Variants in WASF3 observed in about 807,000 individuals in gnomAD.
The protein encoded by WASF3 is WASP family member 3.
Under a neutral mutation model 46.6 loss-of-function variants are expected in WASF3, and 11 were observed. The observed-to-expected ratio is 0.24, with a 90% CI of 0.15 to 0.39. The LOEUF is 0.39. Among genes scored for constraint, WASF3 ranks in the 10% least tolerant of loss-of-function variants. The probability of loss-of-function intolerance (pLI) is 1.00; values close to 1 mark genes in which losing one functional copy is unlikely to be tolerated. For missense variants in WASF3, 576 were observed against 669.8 expected (o/e 0.86, Z 1.55); for synonymous variants, 242 against 259.7 (o/e 0.93, Z 0.65).
intron 2 of WASF3, among the ~76,000 whole-genome samples, chr13:26,630,232 C>A (rs948853903): frequency 4.6e-5 from 7 of 152,070 alleles, no homozygotes; most frequent in African/African-American, 1.7e-4. Flanking sequence ...CATAGGTATA[C>A]ATGTGCCATG....
intron 1 of WASF3, among the ~76,000 whole-genome samples, chr13:26,599,648 G>C (rs1412100524): frequency 6.6e-6 from 1 of 152,290 alleles, no homozygotes; most frequent in Middle Eastern, 3.4e-3. Flanking sequence ...AGTTCAGCTG[G>C]TATCTTCTTA....
At chr13:26,669,406 A>G (rs754862549) in intron 5 of WASF3, among the ~76,000 whole-genome samples, 11 of 151,622 alleles carry the variant, frequency 7.3e-5, no homozygotes, top group Non-Finnish European at 1.3e-4. Flanking sequence ...TTTCATTAAT[A>G]TAGCAATATT....
chr13:26,625,774 AC>A (rs1214292331), intron 2 of WASF3, among the ~76,000 whole-genome samples: 3 of 152,234 alleles, frequency 2.0e-5, no homozygotes, highest in African/African-American at 7.2e-5. Flanking sequence ...ATGAACCATT[AC>A]ATTATTCTAA....
chr13:26,575,304 C>T (rs1007104985), intron 1 of WASF3, among the ~76,000 whole-genome samples: 1 of 151,772 alleles, frequency 6.6e-6, no homozygotes, highest in Non-Finnish European at 1.5e-5. Context: ...ATTTTCAAAT[C>T]TTTTCAGGAC....
intron 3 of WASF3, among the ~76,000 whole-genome samples, chr13:26,658,150 T>C (rs1418338111): frequency 6.6e-6 from 1 of 152,180 alleles, no homozygotes; most frequent in Non-Finnish European, 1.5e-5. Flanking sequence ...ACTCCCATAG[T>C]CTTGGTGTAT....
chr13:26,545,845 C>G, the WASF3 span, among the ~76,000 whole-genome samples: 6 of 152,226 alleles, frequency 3.9e-5, no homozygotes, highest in Non-Finnish European at 5.9e-5. Context: ...CCCAAGATAT[C>G]CTCCTGCCTT....
intron 1 of WASF3, among the ~76,000 whole-genome samples, chr13:26,587,370 G>T (rs187755709): frequency 6.6e-6 from 1 of 151,724 alleles, no homozygotes. Context: ...CCTCTGAAAG[G>T]GCTACACAGT....
intron 2 of WASF3, among the ~76,000 whole-genome samples, chr13:26,621,392 G>A (rs942222437): frequency 2.0e-5 from 3 of 152,182 alleles, no homozygotes; most frequent in Admixed American, 1.3e-4. Context: ...TAACTGAAAA[G>A]GAAAGTATGC....
chr13:26,571,059 A>C (rs1020815170), intron 1 of WASF3, among the ~76,000 whole-genome samples: 7 of 152,026 alleles, frequency 4.6e-5, no homozygotes, highest in African/African-American at 1.7e-4. Flanking sequence ...AAAGTTGAGG[A>C]TCTTTTATGT....
At chr13:26,570,763 A>G (rs144694572) in intron 1 of WASF3, among the ~76,000 whole-genome samples, 2 of 152,294 alleles carry the variant, frequency 1.3e-5, no homozygotes, top group Non-Finnish European at 2.9e-5. Flanking sequence ...GCTATGAATA[A>G]CCTTGTGTAT....
chr13:26,632,229 A>G (rs915828880), intron 2 of WASF3, among the ~76,000 whole-genome samples: 11 of 152,190 alleles, frequency 7.2e-5, no homozygotes, highest in Non-Finnish European at 1.3e-4. Context: ...ATGGTGAGAG[A>G]GGGCATCCTT....
At chr13:26,556,505 A>T (rs1197505996), upstream of WASF3, among the ~76,000 whole-genome samples, 1 of 152,204 alleles carries the variant, frequency 6.6e-6, no homozygotes, top group Non-Finnish European at 1.5e-5. Flanking sequence ...ATTACCAGCA[A>T]TTTTTTAAAA....
chr13:26,686,452 A>G lies in WASF3; in HGVS notation c.*607A>G, dbSNP rs1927516. The stretch of plus-strand genomic sequence containing the variant: ...TTCATTACCTCTGCACATGCCTGTC[A>G]AATATGAAATTGGAAGGGCCCTTTT... On this transcript the variant is annotated 3_prime_UTR_variant, in exon 10 of 10. Coordinates refer to ENST00000335327, the MANE Select transcript of WASF3 (RefSeq NM_006646.6). The G allele has an allele frequency of 0.29, 44,097 of 152,120 alleles. 6,659 individuals are homozygous for G. Among genetic ancestry groups the G allele is most frequent in the South Asian group, 0.39 (1,892 of 4,826 alleles). The allele number at this position is 152,120 out of a possible 1,614,324, so 9.4% of individuals were successfully genotyped here.
At chr13:26,599,030 C>A (rs1287364558) in intron 1 of WASF3, among the ~76,000 whole-genome samples, 1 of 152,074 alleles carries the variant, frequency 6.6e-6, no homozygotes, top group South Asian at 2.1e-4. Flanking sequence ...GCCACCGCGC[C>A]TGGCTAATTT....
chr13:26,541,150 C>T, the WASF3 span, among the ~76,000 whole-genome samples: 1 of 152,092 alleles, frequency 6.6e-6, no homozygotes, highest in Non-Finnish European at 1.5e-5. Context: ...CACAATGTAA[C>T]ATAGCTCTTG....
At chr13:26,583,566 C>G (rs663038) in intron 1 of WASF3, among the ~76,000 whole-genome samples, 1 of 152,138 alleles carries the variant, frequency 6.6e-6, no homozygotes, top group Middle Eastern at 3.2e-3. Flanking sequence ...ATTGAAAATT[C>G]CTTATTTCAT....
rs749391813 is a variant in WASF3 at position 26,667,563 on chromosome 13, A to G, written c.315A>G (p.Thr105=). 1.2e-6 allele frequency: 2 copies of G among 1,614,006 alleles called. No individual in the cohort carries two copies. Among genetic ancestry groups the G allele is most frequent in the Non-Finnish European group, 1.7e-6 (2 of 1,180,004 alleles). Residue 105 remains threonine (T), a synonymous_variant, in exon 5 of 10, where the codon ACA becomes ACG. Coordinates refer to ENST00000335327, the MANE Select transcript of WASF3 (RefSeq NM_006646.6). The stretch of plus-strand genomic sequence containing the variant: ...TGAAAAAAGCTTTCAAAAGTTCCAC[A>G]GTCCAAGACCAGCAAGTGGTTTCAA... ...INMKKAFKSS[T]VQDQQVVSKN... is the part of the protein sequence containing the mutation.
chr13:26,558,886 A>G (rs1453569226), intron 1 of WASF3, among the ~76,000 whole-genome samples: 2 of 152,212 alleles, frequency 1.3e-5, no homozygotes, highest in African/African-American at 2.4e-5. Context: ...GCTATTTGAA[A>G]TATTTTGCAT....
intron 1 of WASF3, chr13:26,577,548 A>G: frequency 5.3e-6 from 7 of 1,319,190 alleles, no homozygotes; most frequent in Non-Finnish European, 7.6e-6. Flanking sequence ...AAGAAGCCCA[A>G]GTTTGAATTG....
Sources: allele counts gnomAD v4.1 joint callset (sites outside exome capture counted in the v4.1 genomes callset), GRCh38; gene constraint gnomAD v4.1.1; transcripts MANE v1.5; gene names NCBI Gene and HGNC (gene_info 2026-07-23, HGNC 2026-07-21).